Variants in RBMS1 observed in about 807,000 individuals in gnomAD.
RBMS1 encodes RNA-binding motif, single-stranded-interacting protein 1.
Under a neutral mutation model 62.3 loss-of-function variants are expected in RBMS1, and 17 were observed. That is an observed-to-expected ratio of 0.27 (90% CI 0.19 to 0.41). The LOEUF is 0.41. Ranked by LOEUF, RBMS1 falls within the 10% of genes least tolerant of loss-of-function variation. The pLI is 1.00. For missense variants in RBMS1, 334 were observed against 504.5 expected, an observed-to-expected ratio of 0.66 and a Z score of 3.24; for synonymous variants, 172 against 170.0, an observed-to-expected ratio of 1.01 and a Z score of -0.09.
chr2:160,292,829 C>T (rs1047251778), intron 6 of RBMS1, among the ~76,000 whole-genome samples: 9 of 152,218 alleles, frequency 5.9e-5, no homozygotes, highest in African/African-American at 2.2e-4. Context: ...AACACTGGCA[C>T]ATCTCAGGTT....
At position 160,303,373 on chromosome 2, in the gene RBMS1, G is replaced by C; in HGVS notation, c.517C>G (p.Leu173Val). Residue 173 changes from leucine to valine, a missense_variant, in exon 5 of 14, where the codon CTA (leucine) becomes GTA (valine). By Grantham distance (32) the Leu-to-Val change is conservative (BLOSUM62 1). Transcript: ENST00000348849. Reference protein sequence around the residue: ...PFGQVISTRILRDSSGTSRGV... With the variant: ...PFGQVISTRIVRDSSGTSRGV... ...CGACTTGTACCACTGGAATCACGTA[G>C]TATCCTTGTAGAAATAACTTGTCCA... 1 of 1,613,408 alleles carries C rather than the reference G, an allele frequency of 6.2e-7. No individual in the cohort carries two copies. Among genetic ancestry groups the C allele is most frequent in the East Asian group, 2.2e-5 (1 of 44,754 alleles).
Position 160,274,478 on chromosome 2 carries a change from T to C in RBMS1, c.*294A>G, listed in dbSNP as rs1333080449. ...TCTTTTCTTTTTTTTTTTCTTTTTC[T>C]TTTTTTGCATCATAACATTTGATAA... On this transcript the variant is annotated 3_prime_UTR_variant, in exon 14 of 14. Transcript: ENST00000348849. 6.6e-6 allele frequency: 1 copy of C among 151,736 alleles called. No individual in the cohort carries two copies. Among genetic ancestry groups the C allele is most frequent in the East Asian group, 1.9e-4 (1 of 5,194 alleles). The allele number at this position is 151,736 out of a possible 1,614,324, so 9.4% of individuals were successfully genotyped here.
chr2:160,377,288 G>A (rs1335484357), intron 1 of RBMS1, among the ~76,000 whole-genome samples: 1 of 152,178 alleles, frequency 6.6e-6, no homozygotes, highest in Non-Finnish European at 1.5e-5. Flanking sequence ...AATAAACGCT[G>A]GTTGTAACCC....
At chr2:160,301,804 C>T (rs749970579) in intron 5 of RBMS1, among the ~76,000 whole-genome samples, 1 of 152,144 alleles carries the variant, frequency 6.6e-6, no homozygotes, top group Non-Finnish European at 1.5e-5. Context: ...GAAAAGTTCC[C>T]TTTTTTGTCT....
intron 12 of RBMS1, 149 bp downstream of exon 12, chr2:160,277,154 G>C: frequency 1.5e-6 from 1 of 657,600 alleles, no homozygotes; most frequent in Non-Finnish European, 2.6e-6. Context: ...CCAAAGTGTT[G>C]GACTTACAGG....
chr2:160,469,473 C>G (rs569648855), intron 1 of RBMS1, among the ~76,000 whole-genome samples: 17 of 152,290 alleles, frequency 1.1e-4, no homozygotes, highest in Non-Finnish European at 2.1e-4. Flanking sequence ...AGCTTCCAAC[C>G]ATTCTCTAAA....
chr2:160,439,186 C>T (rs1430536441), intron 1 of RBMS1, among the ~76,000 whole-genome samples: 3 of 149,850 alleles, frequency 2.0e-5, no homozygotes, highest in Non-Finnish European at 3.0e-5. Context: ...GCTGGCCGGA[C>T]GGGGGGCTGA....
chr2:160,445,429 A>G (rs1683603609), intron 1 of RBMS1, among the ~76,000 whole-genome samples: 1 of 152,246 alleles, frequency 6.6e-6, no homozygotes, highest in Non-Finnish European at 1.5e-5. Context: ...CTGATTTATT[A>G]AAAATAATCA....
At chr2:160,458,499 C>T (rs1288305831) in intron 1 of RBMS1, among the ~76,000 whole-genome samples, 1 of 152,086 alleles carries the variant, frequency 6.6e-6, no homozygotes, top group Non-Finnish European at 1.5e-5. Flanking sequence ...AAAACACTAA[C>T]TAAAAGAAAT....
chr2:160,340,568 T>C (rs2105993744), intron 2 of RBMS1, among the ~76,000 whole-genome samples: 1 of 152,084 alleles, frequency 6.6e-6, no homozygotes, highest in African/African-American at 2.4e-5. Flanking sequence ...CAACAACACT[T>C]GAAAAAGATC....
chr2:160,352,583 G>C (rs1559428466), intron 2 of RBMS1, among the ~76,000 whole-genome samples: 1 of 152,084 alleles, frequency 6.6e-6, no homozygotes, highest in African/African-American at 2.4e-5. Context: ...CTAGACAAAT[G>C]TATCTCCTGC....
At chr2:160,301,469 T>A (rs1402113509) in intron 5 of RBMS1, among the ~76,000 whole-genome samples, 2 of 152,236 alleles carry the variant, frequency 1.3e-5, no homozygotes, top group Admixed American at 1.3e-4. Context: ...GAGAGTTACA[T>A]CTTAGTTTTA....
intron 1 of RBMS1, among the ~76,000 whole-genome samples, chr2:160,403,406 A>G (rs1039357770): frequency 2.0e-5 from 3 of 152,200 alleles, no homozygotes; most frequent in African/African-American, 7.2e-5. Flanking sequence ...AACAAAACCC[A>G]ATCTACTAAA....
chr2:160,324,880 G>GTATATATATATATA (rs747823378), intron 2 of RBMS1, among the ~76,000 whole-genome samples: 38 of 75,976 alleles, frequency 5.0e-4, no homozygotes, highest in South Asian at 1.7e-3. Flanking sequence ...GTGTGTGTGT[G>GTATATATATATATA]TGTATATATA....
At chr2:160,425,970 C>T (rs899377335) in intron 1 of RBMS1, among the ~76,000 whole-genome samples, 6 of 152,060 alleles carry the variant, frequency 3.9e-5, no homozygotes, top group Admixed American at 3.3e-4. Context: ...CAAGAAACTG[C>T]TTCTTGTAAG....
chr2:160,439,941 G>A (rs1273265522), intron 1 of RBMS1, among the ~76,000 whole-genome samples: 1 of 152,014 alleles, frequency 6.6e-6, no homozygotes, highest in Non-Finnish European at 1.5e-5. Flanking sequence ...TGCAATCGCA[G>A]GCACTCGGCA....
chr2:160,419,587 T>A (rs1480045623), intron 1 of RBMS1, among the ~76,000 whole-genome samples: 3 of 152,224 alleles, frequency 2.0e-5, no homozygotes, highest in African/African-American at 7.2e-5. Flanking sequence ...TTCCACCTTA[T>A]TGTATGTTTG....
intron 1 of RBMS1, among the ~76,000 whole-genome samples, chr2:160,420,978 T>C (rs961820465): frequency 6.6e-5 from 10 of 152,154 alleles, no homozygotes; most frequent in African/African-American, 2.4e-4. Context: ...TATTTTAGAA[T>C]GACTAAAGCA....
intron 1 of RBMS1, among the ~76,000 whole-genome samples, chr2:160,440,177 C>T (rs1683354849): frequency 1.3e-5 from 2 of 151,458 alleles, no homozygotes; most frequent in South Asian, 4.2e-4. Context: ...GGCGTGATCT[C>T]GGCTCACTGC....
Sources: gnomAD v4.1 joint callset for allele counts (sites outside exome capture counted in the v4.1 genomes callset) on GRCh38, gnomAD v4.1.1 for gene constraint, MANE v1.5 for transcripts, NCBI Gene and HGNC (gene_info 2026-07-23, HGNC 2026-07-21) for gene names.